ARRDC5: variants seen among roughly 807,000 people sequenced by gnomAD.
ARRDC5 encodes the protein arrestin domain-containing protein 5.
In ARRDC5, 12 loss-of-function variants were observed where a neutral mutation model predicts 13.3. The observed-to-expected ratio is 0.90, with a 90% CI of 0.58 to 1.46. The LOEUF is 1.46. Ranked by LOEUF, ARRDC5 falls within the 40% of genes most tolerant of loss-of-function variation. The pLI, the probability that ARRDC5 is intolerant of heterozygous loss-of-function variation, is 0.00. For synonymous variants in ARRDC5, 181 were observed against 173.4 expected, an observed-to-expected ratio of 1.04 and a Z score of -0.34; for missense variants, 406 against 418.7, an observed-to-expected ratio of 0.97 and a Z score of 0.26.
the ARRDC5 span, chr19:4,909,486 C>G: frequency 3.1e-6 from 2 of 653,018 alleles, no homozygotes; most frequent in Non-Finnish European, 5.5e-6. Context: ...GCCGAGTTTT[C>G]GCGGGAAAAA....
chr19:4,898,423 G>T (rs1007659801), intron 1 of ARRDC5, among the ~76,000 whole-genome samples: 1 of 151,854 alleles, frequency 6.6e-6, no homozygotes, highest in Non-Finnish European at 1.5e-5. Flanking sequence ...GTGCAGTGGC[G>T]TGATCCTGGC....
chr19:4,906,714 C>G (rs781144603), upstream of ARRDC5, among the ~76,000 whole-genome samples: 1 of 152,164 alleles, frequency 6.6e-6, no homozygotes, highest in Non-Finnish European at 1.5e-5. Flanking sequence ...GATCATACCA[C>G]TGCACTGCAG....
chr19:4,897,586 T>A (rs2031777593), intron 1 of ARRDC5, among the ~76,000 whole-genome samples: 2 of 152,132 alleles, frequency 1.3e-5, no homozygotes, highest in South Asian at 4.1e-4. Context: ...GGTGTGATCA[T>A]GGTCACTGCA....
chr19:4,894,308 G>A (rs111831030), intron 2 of ARRDC5, among the ~76,000 whole-genome samples: 1,838 of 150,842 alleles, frequency 0.012, 32 homozygotes, highest in African/African-American at 0.042. Flanking sequence ...TCAGGAGATC[G>A]AGACCATCCC....
the ARRDC5 span, chr19:4,911,085 G>GCGCCTCTGCAGCCACCAGC: frequency 6.8e-7 from 1 of 1,460,688 alleles, no homozygotes; most frequent in African/African-American, 1.4e-5. Flanking sequence ...TCCAGGCCTC[G>GCGCCTCTGCAGCCACCAGC]CGCCTCTGCA....
intron 2 of ARRDC5, among the ~76,000 whole-genome samples, chr19:4,895,953 T>C (rs2031695282): frequency 6.6e-6 from 1 of 152,172 alleles, no homozygotes; most frequent in Non-Finnish European, 1.5e-5. Flanking sequence ...TTGCCAAATG[T>C]CCCTTATGGG....
At chr19:4,914,156 G>A in the ARRDC5 span, among the ~76,000 whole-genome samples, 1 of 152,020 alleles carries the variant, frequency 6.6e-6, no homozygotes, top group Admixed American at 6.6e-5. Context: ...AGATCGTGTC[G>A]TTGCTTCTGT....
At chr19:4,905,818 G>C (rs1466298582), upstream of ARRDC5, among the ~76,000 whole-genome samples, 1 of 152,130 alleles carries the variant, frequency 6.6e-6, no homozygotes, top group Non-Finnish European at 1.5e-5. Flanking sequence ...TGCCCGGCCA[G>C]TGTTAGTGTA....
chr19:4,896,989 C>T (rs1424012980), intron 1 of ARRDC5, 113 bp from the exon 2 acceptor site: 1 of 714,896 alleles, frequency 1.4e-6, no homozygotes, highest in African/African-American at 1.8e-5. Flanking sequence ...CACGGTCTCA[C>T]TCTGTCACCC....
At position 4,891,352 on chromosome 19, in the gene ARRDC5, C is replaced by T. The variant is rs1471579402; in HGVS notation, c.681G>A (p.Arg227=). Reference sequence around the variant, plus strand: ...GCTCGCTGCTGTCCAGCCGAGACCGCCGCTCTGCACTGGGCGTGAAGCCCT... The same window carrying T: ...GCTCGCTGCTGTCCAGCCGAGACCGTCGCTCTGCACTGGGCGTGAAGCCCT... ...QYEGFTPSAE[R]RSRLDSSELL... The change falls in exon 3 of 3, where the codon CGG becomes CGA. Residue 227 remains arginine (R), a synonymous_variant. Coordinates refer to ENST00000650722, the MANE Select transcript of ARRDC5 (RefSeq NM_001080523.3). 6.2e-7 allele frequency: 1 copy of T among 1,613,806 alleles called. No individual in the cohort carries two copies. The highest frequency in any genetic ancestry group is 8.5e-7 in the Non-Finnish European group (1 of 1,179,878).
intron 1 of ARRDC5, among the ~76,000 whole-genome samples, chr19:4,900,323 G>A (rs954594679): frequency 4.6e-5 from 7 of 151,830 alleles, no homozygotes; most frequent in Admixed American, 2.0e-4. Flanking sequence ...TCACCATGTT[G>A]GCCAGGCTGG....
chr19:4,899,025 C>G (rs998879033), intron 1 of ARRDC5, among the ~76,000 whole-genome samples: 1 of 152,006 alleles, frequency 6.6e-6, no homozygotes, highest in African/African-American at 2.4e-5. Context: ...AATGAAAAAC[C>G]TGGAACAGGC....
At chr19:4,904,332 CA>C (rs1402988150), upstream of ARRDC5, among the ~76,000 whole-genome samples, 2 of 152,160 alleles carry the variant, frequency 1.3e-5, no homozygotes, top group Non-Finnish European at 1.5e-5. Context: ...GCGTCCGCCA[CA>C]AATGCCTGGC....
rs2146260876 is a variant in ARRDC5 at position 4,902,592 on chromosome 19, T to C, written c.234A>G (p.Thr78=). Residue 78 remains threonine, a synonymous_variant, in exon 1 of 3, where the codon ACA becomes ACG. Coordinates refer to ENST00000650722, the MANE Select transcript of ARRDC5 (RefSeq NM_001080523.3). ...CNNKADYVHK[T]KTFPVEDNWL... ...CCTTACCCTCCACTGGGAATGTCTTTGTCTTATGCACGTAGTCTGCCTTGT... is the reference window on the plus strand; with the variant it reads ...CCTTACCCTCCACTGGGAATGTCTTCGTCTTATGCACGTAGTCTGCCTTGT... 1.2e-6 allele frequency: 2 copies of C among 1,614,010 alleles called. 1 individual carries two copies. Among genetic ancestry groups the C allele is most frequent in the Admixed American group, 3.3e-5 (2 of 60,008 alleles).
rs1309094020 is a variant in ARRDC5, at chr19:4,896,359, TTTACAC to T, written c.459+306_459+311del. ...ATATATATATATATATTTTTTTTTT[TTTACAC>T]ACACACACACACACACACACACACA... On this transcript the variant is annotated intron_variant, in intron 2 of 2. Coordinates refer to ENST00000650722, the MANE Select transcript of ARRDC5 (RefSeq NM_001080523.3). 8.4e-3 allele frequency among the ~76,000 whole-genome samples: 694 copies of T among 82,852 alleles called. 6 individuals carry two copies. Among genetic ancestry groups the T allele is most frequent in the African/African-American group, 0.026 (466 of 18,166 alleles). The allele number at this position is 82,852 out of a possible 152,430, so 54.4% of individuals were successfully genotyped here.
chr19:4,896,561 A>T (rs1209255419), intron 2 of ARRDC5, 110 bp downstream of exon 2: 1 of 789,076 alleles, frequency 1.3e-6, no homozygotes, highest in Non-Finnish European at 2.1e-6. Flanking sequence ...AGCTGCCAAC[A>T]CCCTTCCCTT....
Position 4,896,699 on chromosome 19 carries a change from G to C in ARRDC5, c.431C>G (p.Ser144Cys), listed in dbSNP as rs199615141. 81 of 1,613,370 alleles carry C rather than the reference G, an allele frequency of 5.0e-5. No homozygotes were observed. The East Asian group carries it at 1.8e-3, about 36-fold the overall frequency. The change falls in exon 2 of 3, where the codon TCC becomes TGC. Residue 144 changes from serine (S) to cysteine (C), a missense_variant. Transcript: ENST00000650722. The part of the protein sequence containing the change: ...KRMYLLVQGT[S>C]TFHKETPFQN... The stretch of plus-strand genomic sequence containing the variant: ...GAATGGGGTTTCTTTGTGGAAGGTG[G>C]AAGTTCCTTGAACCAATAAGTACAT...
At chr19:4,909,588 C>T in the ARRDC5 span, 7 of 650,184 alleles carry the variant, frequency 1.1e-5, no homozygotes, top group East Asian at 9.8e-5. Flanking sequence ...GCCACGCACG[C>T]GGTTTCATCG....
intron 1 of ARRDC5, among the ~76,000 whole-genome samples, chr19:4,899,115 C>T (rs1300712590): frequency 2.7e-5 from 4 of 148,432 alleles, no homozygotes; most frequent in Non-Finnish European, 5.9e-5. Context: ...CGAGACCATC[C>T]TGGCAAACAC....
Sources: allele counts gnomAD v4.1 joint callset (sites outside exome capture counted in the v4.1 genomes callset), GRCh38; gene constraint gnomAD v4.1.1; transcripts MANE v1.5; gene names NCBI Gene and HGNC (gene_info 2026-07-23, HGNC 2026-07-21).